Variants in AK7 observed in about 807,000 individuals in gnomAD.
The protein encoded by AK7 is ATP-AMP transphosphorylase 7.
AK7 carries 78 observed loss-of-function variants against 96.6 expected under a neutral mutation model. The ratio of observed to expected loss-of-function variants is 0.81; its 90% CI spans 0.67 to 0.97. The LOEUF (loss-of-function observed/expected upper bound fraction) is 0.97. AK7 is among the 50% of genes least tolerant of loss of function. The probability of loss-of-function intolerance (pLI) is 0.00; values close to 1 mark genes in which losing one functional copy is unlikely to be tolerated. For missense variants in AK7, 855 were observed against 887.9 expected (o/e 0.96, Z 0.47); for synonymous variants, 302 against 317.2 (o/e 0.95, Z 0.51).
chr14:96,485,865 G>A (rs1024593860), intron 16 of AK7, among the ~76,000 whole-genome samples: 21 of 147,818 alleles, frequency 1.4e-4, no homozygotes, highest in African/African-American at 4.5e-4. Flanking sequence ...TTACGATCTC[G>A]GCTCACTGCA....
Position 96,422,626 on chromosome 14 carries a change from A to T in AK7, c.609+1694A>T, listed in dbSNP as rs188528350. Among the ~76,000 whole-genome samples the T allele has an allele frequency of 3.5e-3, 539 of 152,312 alleles. 4 individuals are homozygous for T. Among genetic ancestry groups the T allele is most frequent in the African/African-American group, 0.012 (519 of 41,572 alleles). Reference sequence around the variant, plus strand: ...GTGAAACCTCCCTGACTGCACTTCCATTCATAGGCTCTCTGCAGGGGGAAG... The same window carrying T: ...GTGAAACCTCCCTGACTGCACTTCCTTTCATAGGCTCTCTGCAGGGGGAAG... On this transcript the variant is annotated intron_variant, in intron 5 of 17. Coordinates refer to ENST00000267584, the MANE Select transcript of AK7 (RefSeq NM_152327.5).
At chr14:96,448,361 C>T (rs904189661) in intron 8 of AK7, among the ~76,000 whole-genome samples, 4 of 151,928 alleles carry the variant, frequency 2.6e-5, no homozygotes, top group East Asian at 1.9e-4. Flanking sequence ...CAGCCAGGCA[C>T]GGTGGCTCAC....
chr14:96,451,322 T>C (rs1893588589), intron 9 of AK7, 99 bp from the exon 10 acceptor site: 8 of 1,039,508 alleles, frequency 7.7e-6, no homozygotes, highest in Non-Finnish European at 1.1e-5. Flanking sequence ...TTAGTGAATG[T>C]ATATTGTTTT....
At chr14:96,452,136 C>G (rs938597278) in intron 10 of AK7, among the ~76,000 whole-genome samples, 1 of 151,994 alleles carries the variant, frequency 6.6e-6, no homozygotes, top group Non-Finnish European at 1.5e-5. Flanking sequence ...TTGAAATGGA[C>G]AAATAGATTA....
Position 96,471,538 on chromosome 14 carries a change from G to A in AK7, c.1418G>A (p.Cys473Tyr). 4 of 1,584,528 alleles carry A rather than the reference G, an allele frequency of 2.5e-6. No homozygotes were observed. Among genetic ancestry groups the A allele is most frequent in the Non-Finnish European group, 3.4e-6 (4 of 1,160,890 alleles). The change falls in exon 13 of 18, where the codon TGC becomes TAC. Residue 473 changes from cysteine (C) to tyrosine (Y), a missense_variant. Transcript: ENST00000267584. ...FMKEKLKSMP[C>Y]RNQGYILDGF... is the part of the protein sequence containing the mutation. ...AAAGAAAAGCTAAAATCAATGCCTT[G>A]CAGGAATCAAGGTTATATTTTGGAT...
chr14:96,439,066 T>C (rs1282799960), intron 6 of AK7, among the ~76,000 whole-genome samples: 1 of 152,038 alleles, frequency 6.6e-6, no homozygotes, highest in Non-Finnish European at 1.5e-5. Flanking sequence ...GTTCAGGAAG[T>C]TTGAGATAAT....
Position 96,442,822 on chromosome 14 carries a change from A to G in AK7, c.779+4A>G. On this transcript the variant is annotated splice_donor_region_variant and intron_variant, in intron 7 of 17. Coordinates refer to ENST00000267584, the MANE Select transcript of AK7 (RefSeq NM_152327.5). ...TCCATGTTCTTGATCTAGCAGGGTA[A>G]GCATTCGCCCAGAGACGTGACCTTC... 1 of 1,612,902 alleles carries G rather than the reference A, an allele frequency of 6.2e-7. No individual in the cohort carries two copies. The highest frequency in any genetic ancestry group is 1.1e-5 in the South Asian group (1 of 91,058).
chr14:96,424,200 C>A, intron 5 of AK7: 1 of 560,546 alleles, frequency 1.8e-6, no homozygotes. Context: ...GGACCGCTGT[C>A]TGAGGTTCAC....
intron 9 of AK7, among the ~76,000 whole-genome samples, chr14:96,450,876 G>A (rs1595431505): frequency 1.4e-5 from 2 of 144,940 alleles, no homozygotes; most frequent in Admixed American, 7.3e-5. Context: ...CCGGGTTCAC[G>A]CCATTCTCCT....
At chr14:96,422,743 A>C (rs8013273) in intron 5 of AK7, among the ~76,000 whole-genome samples, 31,235 of 152,156 alleles carry the variant, frequency 0.21, 3,467 homozygotes, top group East Asian at 0.5. Flanking sequence ...AATAGTCAGG[A>C]GCATTTCATC....
At chr14:96,480,708 C>T (rs1479871925) in intron 15 of AK7, among the ~76,000 whole-genome samples, 1 of 152,016 alleles carries the variant, frequency 6.6e-6, no homozygotes, top group East Asian at 1.9e-4. Context: ...ATCAGGAGAG[C>T]CCAGGAGAAA....
chr14:96,450,431 T>TAA (rs34353872), intron 9 of AK7, among the ~76,000 whole-genome samples: 2 of 138,296 alleles, frequency 1.4e-5, no homozygotes, highest in African/African-American at 2.7e-5. Context: ...TAAAAAAAAT[T>TAA]AAAAAAAAAA....
chr14:96,443,975 C>T (rs189597380), intron 7 of AK7, among the ~76,000 whole-genome samples: 148 of 152,138 alleles, frequency 9.7e-4, no homozygotes, highest in African/African-American at 3.3e-3. Flanking sequence ...TGGGGTTTCA[C>T]CATGTTAGCC....
At chr14:96,449,133 A>G (rs886949531) in intron 8 of AK7, among the ~76,000 whole-genome samples, 1 of 151,974 alleles carries the variant, frequency 6.6e-6, no homozygotes, top group Non-Finnish European at 1.5e-5. Flanking sequence ...TGAGGGCTCT[A>G]CCCTCAAGAC....
chr14:96,405,509 C>T (rs1346508627), intron 3 of AK7, among the ~76,000 whole-genome samples: 1 of 152,096 alleles, frequency 6.6e-6, no homozygotes, highest in Non-Finnish European at 1.5e-5. Context: ...TAAAATGCAA[C>T]CTGACTCATT....
intron 5 of AK7, among the ~76,000 whole-genome samples, chr14:96,431,849 A>T (rs1595405122): frequency 1.3e-5 from 2 of 152,210 alleles, no homozygotes; most frequent in Middle Eastern, 6.8e-3. Flanking sequence ...TCTAATATTG[A>T]CAGTGGGGTG....
rs368959817 is a variant in AK7, at chr14:96,423,978, T to C, written c.609+3046T>C. Reference sequence around the variant, plus strand: ...CCAGGAAATGATGCCATTCCCTGTATTGGGGATCCTTCCTGCTTGGAGCAT... The same window carrying C: ...CCAGGAAATGATGCCATTCCCTGTACTGGGGATCCTTCCTGCTTGGAGCAT... On this transcript the variant is annotated intron_variant, in intron 5 of 17. Coordinates refer to ENST00000267584, the MANE Select transcript of AK7 (RefSeq NM_152327.5). 21 of 917,740 alleles carry C rather than the reference T, an allele frequency of 2.3e-5. No homozygotes were observed. The African/African-American group carries it at 2.8e-4, about 12-fold the overall frequency. The allele number at this position is 917,740 out of a possible 1,614,324, so 56.8% of individuals were successfully genotyped here.
At chr14:96,486,637 C>CTTTTTTTTT (rs373214244) in intron 16 of AK7, among the ~76,000 whole-genome samples, 1 of 136,934 alleles carries the variant, frequency 7.3e-6, no homozygotes. Context: ...AGTGGCATTT[C>CTTTTTTTTT]TTTTTTTTTT....
chr14:96,436,357 C>G (rs76675423), intron 5 of AK7, among the ~76,000 whole-genome samples: 10,660 of 152,114 alleles, frequency 0.07, 1,299 homozygotes, highest in African/African-American at 0.24. Context: ...CCTAAAAACT[C>G]CTGTAGGCCG....
Sources: allele counts gnomAD v4.1 joint callset (sites outside exome capture counted in the v4.1 genomes callset), GRCh38; gene constraint gnomAD v4.1.1; transcripts MANE v1.5; gene names NCBI Gene and HGNC (gene_info 2026-07-23, HGNC 2026-07-21).